The following TCEA1 variants were observed in gnomAD, a reference collection of about 807,000 sequenced individuals.
TCEA1 encodes the protein transcription elongation factor A protein 1.
Under a neutral mutation model 43.8 loss-of-function variants are expected in TCEA1, and 21 were observed. The observed-to-expected ratio is 0.48, with a 90% CI of 0.34 to 0.69. The LOEUF (loss-of-function observed/expected upper bound fraction) is 0.69, where lower values mean the gene tolerates loss of function less well. TCEA1 is among the 30% of genes least tolerant of loss of function. The probability of loss-of-function intolerance (pLI) is 0.01; values close to 1 mark genes in which losing one functional copy is unlikely to be tolerated. For synonymous variants in TCEA1, 104 were observed against 117.5 expected, an observed-to-expected ratio of 0.88 and a Z score of 0.75; for missense variants, 250 against 365.1, an observed-to-expected ratio of 0.68 and a Z score of 2.57.
At chr8:53,992,387 C>T (rs1385127219) in intron 4 of TCEA1, among the ~76,000 whole-genome samples, 4 of 151,716 alleles carry the variant, frequency 2.6e-5, no homozygotes, top group African/African-American at 9.7e-5. Context: ...CTGAGGAGGG[C>T]GGATCACCTG....
chr8:53,977,804 T>C (rs1471571260), intron 8 of TCEA1, among the ~76,000 whole-genome samples: 1 of 152,156 alleles, frequency 6.6e-6, no homozygotes, highest in African/African-American at 2.4e-5. Context: ...CGTACATAAA[T>C]GTAAGTTATC....
intron 8 of TCEA1, chr8:53,973,413 G>T: frequency 2.0e-6 from 1 of 501,948 alleles, no homozygotes; most frequent in African/African-American, 2.0e-5. Context: ...TGCTAAAGAG[G>T]CCAGTGAAAA....
At chr8:53,999,875 A>C in intron 3 of TCEA1, 70 bp downstream of exon 3, 1 of 1,095,548 alleles carries the variant, frequency 9.1e-7, no homozygotes, top group South Asian at 1.4e-5. Flanking sequence ...AACTAACCAT[A>C]AAATGTAACC....
intron 6 of TCEA1, among the ~76,000 whole-genome samples, chr8:53,985,930 TA>T (rs1803678218): frequency 1.3e-5 from 2 of 152,170 alleles, no homozygotes; most frequent in Non-Finnish European, 2.9e-5. Context: ...TTAAATGTCA[TA>T]AATGCCATCA....
Position 53,979,156 on chromosome 8 carries a change from C to T in TCEA1, c.694G>A (p.Glu232Lys). The T allele has an allele frequency of 6.2e-7, 1 of 1,613,644 alleles. No homozygotes were observed. The highest frequency in any genetic ancestry group is 1.1e-5 in the South Asian group (1 of 91,044). ...RMTAEEMASDELKEMRKNLTK... is the reference protein window; with the variant it reads ...RMTAEEMASDKLKEMRKNLTK... ...AAGTTTTTCCGCATCTCTTTCAGCTCATCACTAGCCATTTCCTATGAGGTA... is the reference window on the plus strand; with the variant it reads ...AAGTTTTTCCGCATCTCTTTCAGCTTATCACTAGCCATTTCCTATGAGGTA... Residue 232 changes from glutamate (E) to lysine (K), a missense_variant, in exon 8 of 10, where the codon GAG becomes AAG. By Grantham distance (56) the Glu-to-Lys change is moderately conservative (BLOSUM62 1). Transcript: ENST00000521604.
chr8:54,014,291 T>G (rs1028747136), intron 1 of TCEA1, among the ~76,000 whole-genome samples: 3 of 152,088 alleles, frequency 2.0e-5, no homozygotes, highest in Non-Finnish European at 4.4e-5. Context: ...TATTTTAGCC[T>G]TCCCCAAGCA....
At chr8:54,019,767 T>G (rs901356780) in intron 1 of TCEA1, among the ~76,000 whole-genome samples, 2 of 152,140 alleles carry the variant, frequency 1.3e-5, no homozygotes, top group Non-Finnish European at 2.9e-5. Flanking sequence ...GGAGTGTCAT[T>G]CTGACCATTT....
chr8:53,968,075 G>A lies in TCEA1; in HGVS notation c.*29C>T. On this transcript the variant is annotated 3_prime_UTR_variant, in exon 10 of 10. Coordinates refer to ENST00000521604, the MANE Select transcript of TCEA1 (RefSeq NM_006756.4). ...TAGTTACAAAATCCGTTTTCTTAAT[G>A]GTCCAGATATTTTGCCAATTCTTCC... The A allele has an allele frequency of 6.6e-7, 1 of 1,522,424 alleles. No individual in the cohort carries two copies. The allele number at this position is 1,522,424 out of a possible 1,614,324, so 94.3% of individuals were successfully genotyped here.
intron 7 of TCEA1, among the ~76,000 whole-genome samples, chr8:53,981,804 G>A (rs1803512789): frequency 6.6e-6 from 1 of 151,430 alleles, no homozygotes; most frequent in Admixed American, 6.6e-5. Flanking sequence ...CCACGCTGGA[G>A]CGCAGTGGTG....
chr8:54,022,008 C>T, intron 1 of TCEA1, 55 bp downstream of exon 1: 1 of 1,517,482 alleles, frequency 6.6e-7, no homozygotes, highest in Admixed American at 2.1e-5. Context: ...GCGGCCCCCT[C>T]GGGCCGGACC....
intron 8 of TCEA1, among the ~76,000 whole-genome samples, chr8:53,976,226 C>T (rs188280731): frequency 1.6e-4 from 24 of 152,154 alleles, no homozygotes; most frequent in Admixed American, 1.2e-3. Flanking sequence ...TTCATGACAC[C>T]GGTAAACTAT....
chr8:53,970,345 T>G (rs761179298), intron 9 of TCEA1, 47 bp downstream of exon 9: 8 of 1,290,002 alleles, frequency 6.2e-6, no homozygotes, highest in Admixed American at 1.7e-5. Flanking sequence ...AGAAGAAATC[T>G]TTCTATTTTA....
At chr8:53,974,549 C>A (rs75050478) in intron 8 of TCEA1, among the ~76,000 whole-genome samples, 1 of 149,924 alleles carries the variant, frequency 6.7e-6, no homozygotes, top group Non-Finnish European at 1.5e-5. Flanking sequence ...GGGGGGGGGA[C>A]GGAGTTTCAT....
chr8:53,992,360 C>T (rs1803909410), intron 4 of TCEA1, among the ~76,000 whole-genome samples: 1 of 151,966 alleles, frequency 6.6e-6, no homozygotes, highest in Non-Finnish European at 1.5e-5. Context: ...CGCCTGTAAT[C>T]CCAGCACTTT....
intron 2 of TCEA1, among the ~76,000 whole-genome samples, chr8:54,002,061 C>A (rs1371193583): frequency 4.7e-5 from 7 of 148,942 alleles, no homozygotes; most frequent in African/African-American, 1.7e-4. Context: ...CCCAGCTACT[C>A]GGGAGGCTGA....
intron 7 of TCEA1, among the ~76,000 whole-genome samples, chr8:53,982,654 T>C (rs1443846621): frequency 1.4e-5 from 2 of 139,160 alleles, no homozygotes; most frequent in African/African-American, 5.4e-5. Context: ...TAACCACAGA[T>C]GTAATGGAAA....
chr8:54,014,688 A>G (rs1295457381), intron 1 of TCEA1, among the ~76,000 whole-genome samples: 1 of 152,232 alleles, frequency 6.6e-6, no homozygotes, highest in Non-Finnish European at 1.5e-5. Context: ...TGCTCAGTAT[A>G]CTCAAGACCA....
At chr8:54,019,597 A>T (rs118009425) in intron 1 of TCEA1, among the ~76,000 whole-genome samples, 1,622 of 151,984 alleles carry the variant, frequency 0.011, 14 homozygotes, top group Non-Finnish European at 0.017. Flanking sequence ...TAACTTTTTC[A>T]TAATATAAAA....
At chr8:54,009,403 C>T (rs1455070049) in intron 2 of TCEA1, among the ~76,000 whole-genome samples, 2 of 152,016 alleles carry the variant, frequency 1.3e-5, no homozygotes, top group Non-Finnish European at 2.9e-5. Flanking sequence ...TCACAATAGC[C>T]AAGATATGGA....
Sources: allele counts gnomAD v4.1 joint callset (sites outside exome capture counted in the v4.1 genomes callset), GRCh38; gene constraint gnomAD v4.1.1; transcripts MANE v1.5; gene names NCBI Gene and HGNC (gene_info 2026-07-23, HGNC 2026-07-21).